The following PRRC2C variants were observed in gnomAD, a reference collection of about 807,000 sequenced individuals.
PRRC2C encodes the protein proline rich coiled-coil 2C, also known as protein PRRC2C.
Under a neutral mutation model 317.2 loss-of-function variants are expected in PRRC2C, and 72 were observed. The observed-to-expected ratio is 0.23, with a 90% CI of 0.19 to 0.28. PRRC2C has a LOEUF of 0.28. Ranked by LOEUF, PRRC2C falls within the 10% of genes least tolerant of loss-of-function variation. PRRC2C has a pLI of 1.00. For missense variants in PRRC2C, 3,074 were observed against 3,459.7 expected (o/e 0.89, Z 2.80); for synonymous variants, 1,296 against 1,205.9 (o/e 1.07, Z -1.55).
intron 22 of PRRC2C, 113 bp downstream of exon 22, chr1:171,566,956 AGATT>A (rs1430498316): frequency 8.5e-7 from 1 of 1,175,720 alleles, no homozygotes; most frequent in Non-Finnish European, 1.1e-6. Context: ...ATAACTCTAT[AGATT>A]ATTTCCGCAA....
At chr1:171,486,486 T>C (rs2101989767) in intron 1 of PRRC2C, among the ~76,000 whole-genome samples, 1 of 152,282 alleles carries the variant, frequency 6.6e-6, no homozygotes, top group East Asian at 1.9e-4. Flanking sequence ...ATGGGGCCAC[T>C]ATAGAGACAT....
In PRRC2C at chr1:171,541,653, A is replaced by G. The variant is rs1362318832; in HGVS notation, c.4187A>G (p.His1396Arg). 6.2e-7 allele frequency: 1 copy of G among 1,613,896 alleles called. No homozygotes were observed. Among genetic ancestry groups the G allele is most frequent in the Non-Finnish European group, 8.5e-7 (1 of 1,179,876 alleles). ...GAAGATGGAGAGCCGCCAAGAAGACATGAGCAGTTTATTCCTATAGCAGCA... is the reference window on the plus strand; with the variant it reads ...GAAGATGGAGAGCCGCCAAGAAGACGTGAGCAGTTTATTCCTATAGCAGCA... ...KPEDGEPPRR[H>R]EQFIPIAADK... is the part of the protein sequence containing the mutation. The change falls in exon 16 of 35, where the codon CAT (histidine) becomes CGT (arginine). Residue 1396 changes from histidine (H) to arginine (R), a missense_variant. Physicochemically the swap from His to Arg is conservative, Grantham distance 29 (BLOSUM62 0). Coordinates refer to ENST00000647382, the MANE Select transcript of PRRC2C (RefSeq NM_001387844.1). The surrounding 1 kb of genome is among the most constrained non-coding windows in gnomAD (Gnocchi z 4.1).
intron 1 of PRRC2C, among the ~76,000 whole-genome samples, chr1:171,506,110 T>G (rs1670139667): frequency 6.6e-6 from 1 of 152,214 alleles, no homozygotes; most frequent in Non-Finnish European, 1.5e-5. Context: ...TTGGCTAGAC[T>G]GGTCTCGAAC....
In PRRC2C at chr1:171,577,606, T is replaced by C. The variant is rs770884700; in HGVS notation, c.7128T>C (p.Asn2376=). Reference sequence around the variant, plus strand: ...CCCTTATTGCCCAGCAGCAACAGAATCCGCAAGTTTATGTGTCTCAGTCTG... The same window carrying C: ...CCCTTATTGCCCAGCAGCAACAGAACCCGCAAGTTTATGTGTCTCAGTCTG... The part of the protein sequence containing the change: ...MPSLIAQQQQ[N]PQVYVSQSAA... Residue 2376 remains asparagine, a synonymous_variant, in exon 26 of 35, where the codon AAT becomes AAC. Coordinates refer to ENST00000647382, the MANE Select transcript of PRRC2C (RefSeq NM_001387844.1). 2.1e-5 allele frequency: 34 copies of C among 1,613,750 alleles called. No individual in the cohort carries two copies. In the Admixed American group the frequency reaches 5.3e-4, roughly 25 times the overall value.
chr1:171,575,378 A>G (rs1001861085), intron 25 of PRRC2C, among the ~76,000 whole-genome samples: 1 of 152,150 alleles, frequency 6.6e-6, no homozygotes, highest in African/African-American at 2.4e-5. Context: ...TGTATGTACA[A>G]CTAACTAGAT....
At chr1:171,584,685 G>A (rs1649446659) in intron 30 of PRRC2C, 159 bp downstream of exon 30, 4 of 833,682 alleles carry the variant, frequency 4.8e-6, no homozygotes, top group East Asian at 5.9e-5. Context: ...GGTCCACGTA[G>A]AAGGGGTTTC....
At chr1:171,488,107 G>A (rs1040273900) in intron 1 of PRRC2C, among the ~76,000 whole-genome samples, 2 of 128,280 alleles carry the variant, frequency 1.6e-5, no homozygotes, top group African/African-American at 5.8e-5. Flanking sequence ...CTGCCTCCAA[G>A]TGCCACCCCT....
rs763399265 is a variant in PRRC2C, at chr1:171,540,677, G to A, written c.3211G>A (p.Ala1071Thr). The stretch of plus-strand genomic sequence containing the variant: ...TCCCCCACCACCACCTCAGCCACCA[G>A]CACCAATTCAGCCACAGTCAGTTCC... ...PPPPPPPQPP[A>T]PIQPQSVPPP... Residue 1071 changes from alanine to threonine, a missense_variant, in exon 16 of 35, where the codon GCA becomes ACA. Physicochemically the swap from Ala to Thr is moderately conservative, Grantham distance 58 (BLOSUM62 0). This residue lies in a region of PRRC2C where 1,320 missense variants were observed against 1,395.7 expected (regional missense o/e 0.95). Coordinates refer to ENST00000647382, the MANE Select transcript of PRRC2C (RefSeq NM_001387844.1). The A allele has an allele frequency of 6.2e-7, 1 of 1,613,864 alleles. No individual in the cohort carries two copies.
rs1366166730 is a variant in PRRC2C at position 171,513,326 on chromosome 1, T to C, written c.290+154T>C. 9 of 899,648 alleles carry C rather than the reference T, an allele frequency of 1.0e-5. 1 individual carries two copies. The highest frequency in any genetic ancestry group is 1.5e-5 in the Non-Finnish European group (9 of 585,070). The allele number at this position is 899,648 out of a possible 1,614,324, so 55.7% of individuals were successfully genotyped here. A position where few individuals can be genotyped will look rare whatever the true frequency, so the allele number is the denominator to read the frequency against. On this transcript the variant is annotated intron_variant, in intron 3 of 34. Transcript: ENST00000647382. Reference sequence around the variant, plus strand: ...GTCTTTTGACTATAGTAACTTTTGGTTAATTTTCCCTATTAAAAGTATTTC... The same window carrying C: ...GTCTTTTGACTATAGTAACTTTTGGCTAATTTTCCCTATTAAAAGTATTTC...
rs1281175750 is a variant in PRRC2C at position 171,533,064 on chromosome 1, AG to A, written c.1873+104del. Reference sequence around the variant, plus strand: ...TTTAAATATATGTAATCAATATAAAAGTGATTGTTTTATGATAGCATTTGCA... The same window carrying A: ...TTTAAATATATGTAATCAATATAAAATGATTGTTTTATGATAGCATTTGCA... On this transcript the variant is annotated intron_variant, in intron 12 of 34. Transcript: ENST00000647382. 129 of 1,177,760 alleles carry A rather than the reference AG, an allele frequency of 1.1e-4. 2 individuals are homozygous for A. In the South Asian group the frequency reaches 2.1e-3, roughly 19 times the overall value. 73.0% of individuals were successfully genotyped at this position (1,177,760 alleles called of 1,614,324 possible). A position where few individuals can be genotyped will look rare whatever the true frequency, so the allele number is the denominator to read the frequency against.
At chr1:171,499,272 T>C (rs1317715733) in intron 1 of PRRC2C, among the ~76,000 whole-genome samples, 1 of 152,190 alleles carries the variant, frequency 6.6e-6, no homozygotes, top group African/African-American at 2.4e-5. Context: ...CAGTGCCTGG[T>C]ATATGGTAGA....
chr1:171,488,942 TA>T (rs913297288), intron 1 of PRRC2C, among the ~76,000 whole-genome samples: 3 of 152,162 alleles, frequency 2.0e-5, no homozygotes, highest in Non-Finnish European at 4.4e-5. Context: ...CGTCTAGTAT[TA>T]AAAAAACTAT....
Position 171,523,653 on chromosome 1 carries a change from C to T in PRRC2C, c.1055+131C>T, listed in dbSNP as rs922215176. On this transcript the variant is annotated intron_variant, in intron 9 of 34. Transcript: ENST00000647382. ...AATTTATATATTCTCAGAAGTTTTA[C>T]TGAATAGAGGGTGCTTAATGAGCTA... is the stretch of plus-strand genomic sequence containing the variant. The T allele has an allele frequency of 1.5e-4, 119 of 818,590 alleles. 1 individual carries two copies. The highest frequency in any genetic ancestry group is 1.7e-5 in the Non-Finnish European group (9 of 514,354). 50.7% of individuals were successfully genotyped at this position (818,590 alleles called of 1,614,324 possible).
At chr1:171,546,842 T>G (rs1319264009) in intron 17 of PRRC2C, among the ~76,000 whole-genome samples, 3 of 151,758 alleles carry the variant, frequency 2.0e-5, no homozygotes, top group African/African-American at 7.3e-5. Context: ...GGTCCGGAAC[T>G]CCTGAGCTTA....
At chr1:171,570,269 G>A (rs1306373398) in intron 23 of PRRC2C, among the ~76,000 whole-genome samples, 2 of 152,074 alleles carry the variant, frequency 1.3e-5, no homozygotes, top group African/African-American at 4.8e-5. Context: ...TGTCTGTTTG[G>A]GGGTTCCATT....
chr1:171,577,950 CT>C (rs59582313), intron 26 of PRRC2C, among the ~76,000 whole-genome samples: 51,592 of 103,594 alleles, frequency 0.5, 11,023 homozygotes, highest in East Asian at 0.69. Context: ...GCTAATTTTT[CT>C]TTTTTTTTTT....
chr1:171,532,986 T>C, intron 12 of PRRC2C, 25 bp downstream of exon 12: 12 of 1,504,910 alleles, frequency 8.0e-6, no homozygotes, highest in Non-Finnish European at 1.1e-5. Flanking sequence ...TTCATTCTCT[T>C]TTAAAAACTT....
chr1:171,524,103 A>G (rs1357272996), intron 9 of PRRC2C, among the ~76,000 whole-genome samples: 1 of 152,282 alleles, frequency 6.6e-6, no homozygotes, highest in East Asian at 1.9e-4. Context: ...GGTATTAGGA[A>G]CAATTTTTTA....
chr1:171,583,758 A>G (rs1042634852), intron 28 of PRRC2C, among the ~76,000 whole-genome samples, 198 bp from the exon 29 acceptor site: 3 of 152,206 alleles, frequency 2.0e-5, no homozygotes, highest in Admixed American at 6.5e-5. Context: ...TAGAACAGCT[A>G]TGATGTCACT....
Sources: gnomAD v4.1 joint callset for allele counts (sites outside exome capture counted in the v4.1 genomes callset) on GRCh38, gnomAD v4.1.1 for gene constraint, gnomAD v4.1.1 regional missense constraint, Gnocchi (gnomAD v3.1) non-coding constraint, MANE v1.5 for transcripts, NCBI Gene and HGNC (gene_info 2026-07-23, HGNC 2026-07-21) for gene names.